The following PAM variants were observed in gnomAD, a reference collection of about 807,000 sequenced individuals.
PAM encodes the protein peptidylglycine alpha-amidating monooxygenase, also known as peptidyl-glycine alpha-amidating monooxygenase.
A neutral mutation model predicts 122.1 loss-of-function variants in PAM; 72 were observed. That is an observed-to-expected ratio of 0.59 (90% CI 0.49 to 0.72). The LOEUF (loss-of-function observed/expected upper bound fraction) is 0.72, where lower values mean the gene tolerates loss of function less well. Among genes scored for constraint, PAM ranks in the 30% least tolerant of loss-of-function variants. The pLI, the probability that PAM is intolerant of heterozygous loss-of-function variation, is 0.00. For synonymous variants in PAM, 389 were observed against 404.4 expected, an observed-to-expected ratio of 0.96 and a Z score of 0.46; for missense variants, 1,106 against 1,183.7, an observed-to-expected ratio of 0.93 and a Z score of 0.96.
At chr5:102,785,870 A>C (rs1760381290) in intron 1 of PAM, among the ~76,000 whole-genome samples, 1 of 132,000 alleles carries the variant, frequency 7.6e-6, no homozygotes, top group African/African-American at 2.7e-5. Context: ...ACTTTTTAAA[A>C]ATCATTCATT....
chr5:102,807,974 C>T (rs1278713608), intron 1 of PAM: 1 of 152,158 alleles, frequency 6.6e-6, no homozygotes, highest in African/African-American at 2.4e-5. Context: ...TCTGTGACAA[C>T]CTTCATTTCC....
chr5:102,977,672 A>G lies in PAM; in HGVS notation c.1483+3236A>G, dbSNP rs984694899. The stretch of plus-strand genomic sequence containing the variant: ...CATGCATGTGCGCACACACACACAC[A>G]CACACACACACACACACACACACAC... On this transcript the variant is annotated intron_variant, in intron 15 of 25. Transcript: ENST00000438793. 3.6e-3 allele frequency among the ~76,000 whole-genome samples: 532 copies of G among 147,990 alleles called. 4 individuals are homozygous for G. Among genetic ancestry groups the G allele is most frequent in the African/African-American group, 0.013 (512 of 39,374 alleles).
At chr5:102,933,578 G>C (rs1677531547) in intron 7 of PAM, among the ~76,000 whole-genome samples, 1 of 152,194 alleles carries the variant, frequency 6.6e-6, no homozygotes, top group Non-Finnish European at 1.5e-5. Flanking sequence ...CATACAAAGG[G>C]TTCCTACCTA....
intron 11 of PAM, 142 bp from the exon 12 acceptor site, chr5:102,950,575 G>A (rs1758535275): frequency 1.7e-6 from 1 of 587,984 alleles, no homozygotes; most frequent in Admixed American, 3.1e-5. Flanking sequence ...TGCTGAAAAA[G>A]CATTTGATAA....
chr5:102,907,874 C>T (rs1276006098), intron 4 of PAM, among the ~76,000 whole-genome samples: 12 of 151,720 alleles, frequency 7.9e-5, no homozygotes, highest in Non-Finnish European at 1.5e-4. Flanking sequence ...GGATATTAGC[C>T]CTTTGTCAGA....
chr5:102,785,304 C>G (rs1760210849), intron 1 of PAM, among the ~76,000 whole-genome samples: 1 of 152,328 alleles, frequency 6.6e-6, no homozygotes, highest in Non-Finnish European at 1.5e-5. Context: ...CTTAGCAAGC[C>G]TTTCAAATGA....
At chr5:102,962,126 T>C (rs189375467) in intron 14 of PAM, among the ~76,000 whole-genome samples, 1 of 152,008 alleles carries the variant, frequency 6.6e-6, no homozygotes, top group East Asian at 1.9e-4. Context: ...ATCACTCTTG[T>C]ATGAATAGTT....
Position 103,002,959 on chromosome 5 carries a change from G to A in PAM, c.1614-74G>A, listed in dbSNP as rs111639206. 5.0e-3 allele frequency: 3,744 copies of A among 744,536 alleles called. 79 individuals carry two copies. In the African/African-American group the frequency reaches 0.058, roughly 11 times the overall value. 46.1% of individuals were successfully genotyped at this position (744,536 alleles called of 1,614,324 possible). On this transcript the variant is annotated intron_variant, in intron 16 of 25. Transcript: ENST00000438793. ...TGAGCTCTTTTGATTTTGTATTTAT[G>A]TGAATGGTCTGCATTTCTCAATTTC...
intron 1 of PAM, among the ~76,000 whole-genome samples, chr5:102,778,041 G>T (rs2149823177): frequency 6.6e-6 from 1 of 152,240 alleles, no homozygotes; most frequent in Non-Finnish European, 1.5e-5. Context: ...CCGTCTTGGG[G>T]TTAGCCTGCT....
chr5:102,779,890 T>C (rs906350640), intron 1 of PAM, among the ~76,000 whole-genome samples: 2 of 82,400 alleles, frequency 2.4e-5, no homozygotes, highest in Admixed American at 1.2e-4. Flanking sequence ...CATATACATA[T>C]ATATATATAT....
intron 14 of PAM, among the ~76,000 whole-genome samples, chr5:102,970,800 TA>T (rs1230494078): frequency 3.9e-5 from 6 of 151,970 alleles, no homozygotes; most frequent in Admixed American, 6.6e-5. Flanking sequence ...TTTTTAATTT[TA>T]TTTTTTTTAC....
At chr5:102,793,014 T>C (rs13178328) in intron 1 of PAM, among the ~76,000 whole-genome samples, 3 of 152,186 alleles carry the variant, frequency 2.0e-5, no homozygotes, top group Non-Finnish European at 4.4e-5. Flanking sequence ...GGCATCATGG[T>C]TGGTTATGAA....
chr5:102,911,748 T>C (rs1280921150), intron 4 of PAM, among the ~76,000 whole-genome samples: 2 of 152,016 alleles, frequency 1.3e-5, no homozygotes, highest in African/African-American at 4.8e-5. Flanking sequence ...ATATTTCATT[T>C]TTAAAAATTA....
At position 102,857,411 on chromosome 5, in the gene PAM, A is replaced by G. The variant is rs112777388; in HGVS notation, c.-373-8412A>G. 6.0e-3 allele frequency among the ~76,000 whole-genome samples: 910 copies of G among 152,296 alleles called. 5 individuals are homozygous for G. Among genetic ancestry groups the G allele is most frequent in the African/African-American group, 0.021 (857 of 41,560 alleles). On this transcript the variant is annotated intron_variant, in intron 1 of 25. Transcript: ENST00000438793. Reference sequence around the variant, plus strand: ...ATCTTTCATTTTGAAATGTTTATTCAGAGCTCAAATATGGGGGAGGAGTTG... The same window carrying G: ...ATCTTTCATTTTGAAATGTTTATTCGGAGCTCAAATATGGGGGAGGAGTTG...
At chr5:102,974,646 G>A in intron 15 of PAM, 3 of 411,060 alleles carry the variant, frequency 7.3e-6, no homozygotes, top group Non-Finnish European at 1.3e-5. Context: ...CATAAATTTA[G>A]TGTCTGTTCT....
chr5:102,865,879 C>A lies in PAM; in HGVS notation c.-317C>A. On this transcript the variant is annotated 5_prime_UTR_variant, in exon 2 of 26. Transcript: ENST00000438793. ...GATACCCCTCACAGCCCCTGTCATTCCGGAGTCATAAGGCACCCGCGCGTC... is the reference window on the plus strand; with the variant it reads ...GATACCCCTCACAGCCCCTGTCATTACGGAGTCATAAGGCACCCGCGCGTC... 3.1e-6 allele frequency: 1 copy of A among 318,140 alleles called. No individual in the cohort carries two copies. Among genetic ancestry groups the A allele is most frequent in the Non-Finnish European group, 5.7e-6 (1 of 176,368 alleles). 19.7% of individuals were successfully genotyped at this position (318,140 alleles called of 1,614,324 possible).
At chr5:102,867,897 A>C (rs1786105734) in intron 3 of PAM, among the ~76,000 whole-genome samples, 1 of 152,206 alleles carries the variant, frequency 6.6e-6, no homozygotes, top group Non-Finnish European at 1.5e-5. Context: ...GCTGATTGTG[A>C]GTTTTCTTTA....
chr5:102,825,815 T>C (rs1773436514), intron 1 of PAM, among the ~76,000 whole-genome samples: 1 of 152,098 alleles, frequency 6.6e-6, no homozygotes, highest in Non-Finnish European at 1.5e-5. Flanking sequence ...ACCACTGCAC[T>C]CCAGCCTGGG....
intron 5 of PAM, among the ~76,000 whole-genome samples, chr5:102,918,928 AT>A (rs1435616660): frequency 6.6e-6 from 1 of 152,096 alleles, no homozygotes; most frequent in Non-Finnish European, 1.5e-5. Flanking sequence ...AGCTAAAATT[AT>A]TTTTAGTTCT....
Sources: allele counts gnomAD v4.1 joint callset (sites outside exome capture counted in the v4.1 genomes callset), GRCh38; gene constraint gnomAD v4.1.1; transcripts MANE v1.5; gene names NCBI Gene and HGNC (gene_info 2026-07-23, HGNC 2026-07-21).